NRXN1: variants seen among roughly 807,000 people sequenced by gnomAD.
The protein encoded by NRXN1 is neurexin-1.
A neutral mutation model predicts 150.9 loss-of-function variants in NRXN1; 39 were observed. That is an observed-to-expected ratio of 0.26 (90% confidence interval 0.20 to 0.34). NRXN1 has a LOEUF of 0.34. NRXN1 is among the 10% of genes least tolerant of loss of function. The pLI, the probability that NRXN1 is intolerant of heterozygous loss-of-function variation, is 1.00. For missense variants in NRXN1, 1,815 were observed against 1,949.9 expected (o/e 0.93, Z 1.30); for synonymous variants, 924 against 757.0 (o/e 1.22, Z -3.62).
intron 18 of NRXN1, among the ~76,000 whole-genome samples, chr2:50,152,115 A>G (rs991362940): frequency 5.9e-5 from 9 of 151,744 alleles, no homozygotes; most frequent in African/African-American, 1.9e-4. Flanking sequence ...GTGCACTCAT[A>G]TTGTTGTACA....
intron 21 of NRXN1, among the ~76,000 whole-genome samples, chr2:50,046,367 C>G (rs546488690): frequency 3.4e-4 from 51 of 152,238 alleles, no homozygotes; most frequent in African/African-American, 1.2e-3. Context: ...TGGTACATGC[C>G]ACACAATTGA....
At chr2:50,935,852 T>C (rs1432639082) in intron 2 of NRXN1, among the ~76,000 whole-genome samples, 1 of 152,158 alleles carries the variant, frequency 6.6e-6, no homozygotes, top group Non-Finnish European at 1.5e-5. Context: ...AGATGTATAA[T>C]AAAAATTTAT....
At chr2:50,082,481 C>A (rs375684497) in intron 19 of NRXN1, among the ~76,000 whole-genome samples, 3 of 152,078 alleles carry the variant, frequency 2.0e-5, no homozygotes, top group East Asian at 3.8e-4. Flanking sequence ...ATAAGATATA[C>A]TTGGCAAAAG....
chr2:50,152,509 T>C (rs1481596291), intron 18 of NRXN1, among the ~76,000 whole-genome samples: 1 of 151,806 alleles, frequency 6.6e-6, no homozygotes, highest in African/African-American at 2.4e-5. Context: ...ACTTACACTA[T>C]GTTTCCCGCA....
intron 18 of NRXN1, among the ~76,000 whole-genome samples, chr2:50,195,207 AT>A (rs1170175202): frequency 3.3e-5 from 5 of 152,188 alleles, no homozygotes; most frequent in African/African-American, 1.2e-4. Flanking sequence ...AGAATGCAAG[AT>A]TTGAACCATA....
At chr2:51,021,193 T>A (rs1669550198) in intron 2 of NRXN1, among the ~76,000 whole-genome samples, 1 of 152,014 alleles carries the variant, frequency 6.6e-6, no homozygotes, top group African/African-American at 2.4e-5. Flanking sequence ...CTGAATTACA[T>A]CAAATAGCTT....
intron 5 of NRXN1, among the ~76,000 whole-genome samples, chr2:50,781,919 G>A (rs1704406178): frequency 6.6e-6 from 1 of 152,144 alleles, no homozygotes; most frequent in African/African-American, 2.4e-5. Context: ...CACAGAACTA[G>A]TAAAAGGTGC....
chr2:50,829,448 G>C, intron 5 of NRXN1: 1 of 1,535,506 alleles, frequency 6.5e-7, no homozygotes, highest in South Asian at 1.1e-5. Flanking sequence ...TTTTCCCTTT[G>C]CTGATGTAGC....
intron 18 of NRXN1, among the ~76,000 whole-genome samples, chr2:50,203,724 T>A (rs1336934301): frequency 6.6e-6 from 1 of 152,212 alleles, no homozygotes; most frequent in Non-Finnish European, 1.5e-5. Context: ...TGCCCTATTA[T>A]TTGTGTTATA....
chr2:50,039,464 T>C (rs1274887128), intron 21 of NRXN1, among the ~76,000 whole-genome samples: 1 of 151,692 alleles, frequency 6.6e-6, no homozygotes, highest in African/African-American at 2.4e-5. Context: ...AGACTTGGTC[T>C]CATAAGTAAC....
At chr2:50,335,536 G>A (rs570661338) in intron 17 of NRXN1, among the ~76,000 whole-genome samples, 11 of 152,176 alleles carry the variant, frequency 7.2e-5, no homozygotes, top group South Asian at 6.2e-4. Flanking sequence ...ACCCCCTGCC[G>A]TTATTTTCAA....
rs891896027 is a variant in NRXN1, at chr2:50,971,385, C to T, written c.773-45430G>A. ...GGATCACAAGGTCAGGAGTTTGAGA[C>T]CAGCCTGGCCAACATGGTGAAACCC... On this transcript the variant is annotated intron_variant, in intron 2 of 22. Coordinates refer to ENST00000401669, the MANE Select transcript of NRXN1 (RefSeq NM_001330078.2). 5.3e-5 allele frequency among the ~76,000 whole-genome samples: 8 copies of T among 151,982 alleles called. No homozygotes were observed. The East Asian group carries it at 7.7e-4, about 15-fold the overall frequency.
At chr2:50,478,881 C>T (rs1365577542) in intron 15 of NRXN1, among the ~76,000 whole-genome samples, 1 of 152,154 alleles carries the variant, frequency 6.6e-6, no homozygotes, top group African/African-American at 2.4e-5. Flanking sequence ...CTCAACTTTG[C>T]CAATATTTCT....
intron 2 of NRXN1, among the ~76,000 whole-genome samples, chr2:50,963,096 A>C (rs990737257): frequency 1.3e-5 from 2 of 151,654 alleles, no homozygotes; most frequent in African/African-American, 2.4e-5. Context: ...ATTGTACACA[A>C]AGTTGAGAAA....
chr2:50,167,378 AG>A (rs2059751937), intron 18 of NRXN1, among the ~76,000 whole-genome samples: 1 of 152,120 alleles, frequency 6.6e-6, no homozygotes, highest in Non-Finnish European at 1.5e-5. Flanking sequence ...CAAAAAGTAA[AG>A]GCCATTTCAT....
At chr2:50,027,679 G>A (rs1224190212) in intron 21 of NRXN1, among the ~76,000 whole-genome samples, 1 of 152,056 alleles carries the variant, frequency 6.6e-6, no homozygotes, top group African/African-American at 2.4e-5. Context: ...TTATCCTCCC[G>A]CCTTGGCCTC....
intron 21 of NRXN1, among the ~76,000 whole-genome samples, chr2:50,025,921 A>T (rs922853784): frequency 6.6e-6 from 1 of 152,208 alleles, no homozygotes; most frequent in Non-Finnish European, 1.5e-5. Flanking sequence ...ACTTTAGCCT[A>T]TGTGGCCCAA....
intron 17 of NRXN1, among the ~76,000 whole-genome samples, chr2:50,433,765 G>T (rs2085178670): frequency 6.6e-6 from 1 of 151,768 alleles, no homozygotes. Context: ...GAGGAGAAAG[G>T]GAGAGGGGAA....
At position 50,414,979 on chromosome 2, in the gene NRXN1, A is replaced by T. The variant is rs181837853; in HGVS notation, c.3364+50463T>A. 1.6e-4 allele frequency among the ~76,000 whole-genome samples: 25 copies of T among 152,250 alleles called. No individual in the cohort carries two copies. The East Asian group carries it at 4.8e-3, about 29-fold the overall frequency. On this transcript the variant is annotated intron_variant, in intron 17 of 22. Transcript: ENST00000401669. ...TAAAATTTTTACTGAAGCTCTTTCAATGGACACCCTTCATCTTTCCCATTA... is the reference window on the plus strand; with the variant it reads ...TAAAATTTTTACTGAAGCTCTTTCATTGGACACCCTTCATCTTTCCCATTA...
Sources: allele counts gnomAD v4.1 joint callset (sites outside exome capture counted in the v4.1 genomes callset), GRCh38; gene constraint gnomAD v4.1.1; transcripts MANE v1.5; gene names NCBI Gene and HGNC (gene_info 2026-07-23, HGNC 2026-07-21).